SH3KBP1: variants seen among roughly 807,000 people sequenced by gnomAD.
The protein encoded by SH3KBP1 is SH3 domain-containing kinase-binding protein 1.
SH3KBP1 carries 8 observed loss-of-function variants against 50.1 expected under a neutral mutation model. That is an observed-to-expected ratio of 0.16 (90% CI 0.09 to 0.29). The LOEUF (loss-of-function observed/expected upper bound fraction) is 0.29. Among genes scored for constraint, SH3KBP1 ranks in the 10% least tolerant of loss-of-function variants. The pLI, the probability that SH3KBP1 is intolerant of heterozygous loss-of-function variation, is 1.00. For missense variants in SH3KBP1, 377 were observed against 535.2 expected (o/e 0.70, Z 2.92); for synonymous variants, 227 against 218.6 (o/e 1.04, Z -0.34).
At position 19,766,483 on chromosome X, in the gene SH3KBP1, C is replaced by CTTTTTTT. The variant is rs61439964; in HGVS notation, c.163-20049_163-20043dup. On this transcript the variant is annotated intron_variant, in intron 2 of 17. Coordinates refer to ENST00000397821, the MANE Select transcript of SH3KBP1 (RefSeq NM_031892.3). ...TGCACTTTGAGTCTGTTGATTGCAT[C>CTTTTTTT]TTTTTTTTTTTTTTTTTTTTTTTTT... Among the ~76,000 whole-genome samples, 24 of 22,589 alleles carry CTTTTTTT rather than the reference C, an allele frequency of 1.1e-3. 10 individuals are homozygous for CTTTTTTT. Among genetic ancestry groups the CTTTTTTT allele is most frequent in the African/African-American group, 2.6e-3 (15 of 5,879 alleles). 19.6% of individuals were successfully genotyped at this position (22,589 alleles called of 115,157 possible). A position where few individuals can be genotyped will look rare whatever the true frequency, so the allele number is the denominator to read the frequency against.
rs141072651 is a variant in SH3KBP1, at chrX:19,710,422, G to A, written c.287-3438C>T. On this transcript the variant is annotated intron_variant, in intron 3 of 17. Coordinates refer to ENST00000397821, the MANE Select transcript of SH3KBP1 (RefSeq NM_031892.3). ...ATCAGAAGGTCAATAGTAGCCAAAC[G>A]CTACGTCACAATGCCCACATCATTC... is the stretch of plus-strand genomic sequence containing the variant. Among the ~76,000 whole-genome samples the A allele has an allele frequency of 3.3e-4, 37 of 111,698 alleles. No homozygotes were observed. The East Asian group carries it at 7.3e-3, about 22-fold the overall frequency.
intron 2 of SH3KBP1, chrX:19,747,646 CAA>C (rs1320402661): frequency 2.9e-6 from 1 of 342,532 alleles, no homozygotes; most frequent in Admixed American, 3.1e-5. Context: ...CCTGCACACT[CAA>C]GAGTGTGTTA....
At chrX:19,587,101 A>G (rs1334935122) in intron 12 of SH3KBP1, among the ~76,000 whole-genome samples, 1 of 109,598 alleles carries the variant, frequency 9.1e-6, no homozygotes, top group Non-Finnish European at 1.9e-5. Flanking sequence ...ACATGCCTGT[A>G]GTCCCAGCTA....
intron 13 of SH3KBP1, among the ~76,000 whole-genome samples, chrX:19,560,219 CA>C (rs149420282): frequency 4.8e-4 from 49 of 102,074 alleles, no homozygotes; most frequent in Middle Eastern, 5.0e-3. Flanking sequence ...ATCATTAAGC[CA>C]AAAAAAAAAC....
At chrX:19,887,285 G>A in intron 1 of SH3KBP1, 22 bp downstream of exon 1, 1 of 975,197 alleles carries the variant, frequency 1.0e-6, no homozygotes, top group East Asian at 4.3e-5. Context: ...TGGACGCCCG[G>A]ACGCGGGCGG....
chrX:19,740,430 C>T (rs1266930976), intron 3 of SH3KBP1, among the ~76,000 whole-genome samples: 1 of 112,133 alleles, frequency 8.9e-6, no homozygotes, highest in Non-Finnish European at 1.9e-5. Flanking sequence ...ATTTTCATTT[C>T]CCCTGGGAAA....
chrX:19,542,110 C>G lies in SH3KBP1; in HGVS notation c.1707G>C (p.Ala569=), dbSNP rs746570736. The G allele has an allele frequency of 8.3e-7, 1 of 1,210,058 alleles. No homozygotes were observed. Among genetic ancestry groups the G allele is most frequent in the South Asian group, 1.8e-5 (1 of 56,706 alleles). ...GGGGPAPLSS[A]APSPLSSSLG... ...AAGAGGATGACAGGGGGGAGGGCGC[C>G]GCTGAGGACAGAGGGGCTGGCCCAC... Residue 569 remains alanine, a synonymous_variant, in exon 16 of 18, where the codon GCG becomes GCC. Coordinates refer to ENST00000397821, the MANE Select transcript of SH3KBP1 (RefSeq NM_031892.3).
chrX:19,826,980 C>G (rs138650890), intron 2 of SH3KBP1, among the ~76,000 whole-genome samples: 37 of 111,988 alleles, frequency 3.3e-4, no homozygotes, highest in African/African-American at 1.1e-3. Flanking sequence ...TCAAGAAGAA[C>G]AAAGTAACTG....
At chrX:19,631,037 C>T (rs1224050799) in intron 8 of SH3KBP1, among the ~76,000 whole-genome samples, 1 of 111,524 alleles carries the variant, frequency 9.0e-6, no homozygotes, top group African/African-American at 3.3e-5. Flanking sequence ...CGAGAGCGAG[C>T]GCAGGCAGCC....
intron 1 of SH3KBP1, among the ~76,000 whole-genome samples, chrX:19,845,165 A>C (rs1344499470): frequency 9.1e-6 from 1 of 109,929 alleles, no homozygotes; most frequent in African/African-American, 3.3e-5. Context: ...GAATGGAGAA[A>C]GTGGGCAGGT....
At chrX:19,877,722 A>G (rs981679737) in intron 1 of SH3KBP1, among the ~76,000 whole-genome samples, 9 of 112,493 alleles carry the variant, frequency 8.0e-5, no homozygotes, top group African/African-American at 2.6e-4. Flanking sequence ...TAAACTGTCT[A>G]TACATGCTGT....
chrX:19,883,187 G>A (rs2069490024), intron 1 of SH3KBP1, among the ~76,000 whole-genome samples: 1 of 112,343 alleles, frequency 8.9e-6, no homozygotes, highest in Non-Finnish European at 1.9e-5. Context: ...TCCTGATTCA[G>A]GAGGTCTGCT....
At chrX:19,641,293 C>T (rs917802541) in intron 7 of SH3KBP1, among the ~76,000 whole-genome samples, 2 of 112,119 alleles carry the variant, frequency 1.8e-5, no homozygotes, top group Non-Finnish European at 3.8e-5. Flanking sequence ...AAGTGTCTTA[C>T]AGGAACAAAT....
chrX:19,593,211 T>C (rs2066799842), intron 10 of SH3KBP1, among the ~76,000 whole-genome samples: 1 of 111,707 alleles, frequency 9.0e-6, no homozygotes, highest in African/African-American at 3.3e-5. Context: ...GTACTCCTCT[T>C]ATGTATGGAC....
At chrX:19,546,205 G>A (rs770136867) in intron 14 of SH3KBP1, among the ~76,000 whole-genome samples, 155 bp from the exon 15 acceptor site, 18 of 112,371 alleles carry the variant, frequency 1.6e-4, no homozygotes, top group South Asian at 3.7e-4. Flanking sequence ...TGTTATGCAC[G>A]CGCTCAAGTC....
intron 2 of SH3KBP1, among the ~76,000 whole-genome samples, chrX:19,832,652 C>A (rs1460041139): frequency 1.6e-4 from 18 of 110,468 alleles, no homozygotes; most frequent in Non-Finnish European, 3.2e-4. Context: ...CCTCCCCCCG[C>A]CCCCCAATCT....
At chrX:19,785,293 G>A (rs1248818161) in intron 2 of SH3KBP1, among the ~76,000 whole-genome samples, 2 of 108,966 alleles carry the variant, frequency 1.8e-5, no homozygotes, top group Non-Finnish European at 3.8e-5. Flanking sequence ...TGAGGTGAGC[G>A]GACTGCTTGA....
chrX:19,721,608 T>C (rs750621097), intron 3 of SH3KBP1, among the ~76,000 whole-genome samples: 1 of 111,686 alleles, frequency 9.0e-6, no homozygotes, highest in Non-Finnish European at 1.9e-5. Context: ...TTTACCAACA[T>C]TATTCTGAAA....
rs546293231 is a variant in SH3KBP1 at position 19,713,204 on chromosome X, G to A, written c.287-6220C>T. On this transcript the variant is annotated intron_variant, in intron 3 of 17. Transcript: ENST00000397821. Reference sequence around the variant, plus strand: ...TGCACTCCAATCTGGATAACAGAGCGAGACTCTGTCTCAAAAAAAACAAAA... The same window carrying A: ...TGCACTCCAATCTGGATAACAGAGCAAGACTCTGTCTCAAAAAAAACAAAA... 1.8e-3 allele frequency among the ~76,000 whole-genome samples: 196 copies of A among 110,734 alleles called. 1 individual carries two copies. Among genetic ancestry groups the A allele is most frequent in the Middle Eastern group, 4.6e-3 (1 of 216 alleles).
Sources: gnomAD v4.1 joint callset for allele counts (sites outside exome capture counted in the v4.1 genomes callset) on GRCh38, gnomAD v4.1.1 for gene constraint, MANE v1.5 for transcripts, NCBI Gene and HGNC (gene_info 2026-07-23, HGNC 2026-07-21) for gene names.